MYO16: variants seen among roughly 807,000 people sequenced by gnomAD.
MYO16 encodes the protein unconventional myosin-XVI.
A neutral mutation model predicts 205.3 loss-of-function variants in MYO16; 94 were observed. The observed-to-expected ratio is 0.46, with a 90% confidence interval of 0.39 to 0.54. The LOEUF (loss-of-function observed/expected upper bound fraction) is 0.54. Among genes scored for constraint, MYO16 ranks in the 20% least tolerant of loss-of-function variants. The probability of loss-of-function intolerance (pLI) is 0.00; values close to 1 mark genes in which losing one functional copy is unlikely to be tolerated. For missense variants in MYO16, 2,315 were observed against 2,387.5 expected, an observed-to-expected ratio of 0.97 and a Z score of 0.63; for synonymous variants, 988 against 954.0, an observed-to-expected ratio of 1.04 and a Z score of -0.66.
chr13:108,521,553 T>C, the MYO16 span, among the ~76,000 whole-genome samples: 4 of 152,186 alleles, frequency 2.6e-5, no homozygotes, highest in Admixed American at 2.0e-4. Context: ...GCCTGTAATA[T>C]AAATGTATTA....
At chr13:108,722,144 G>A (rs1884187352) in intron 3 of MYO16, among the ~76,000 whole-genome samples, 1 of 152,150 alleles carries the variant, frequency 6.6e-6, no homozygotes, top group South Asian at 2.1e-4. Context: ...GAAGGTGACA[G>A]CAGGAGCTTG....
intron 27 of MYO16, among the ~76,000 whole-genome samples, chr13:109,062,554 A>C (rs9514971): frequency 0.5 from 75,276 of 151,932 alleles, 18,666 homozygotes; most frequent in Middle Eastern, 0.54. Flanking sequence ...TATCAGTGGA[A>C]ATGGAATTAT....
chr13:108,929,041 T>C (rs998305813), intron 16 of MYO16, among the ~76,000 whole-genome samples: 6 of 152,176 alleles, frequency 3.9e-5, no homozygotes, highest in Admixed American at 1.3e-4. Flanking sequence ...AAACAAAAGG[T>C]ATAGTCACAT....
chr13:108,776,746 T>C (rs1381024685), intron 4 of MYO16, among the ~76,000 whole-genome samples: 1 of 152,174 alleles, frequency 6.6e-6, no homozygotes, highest in African/African-American at 2.4e-5. Context: ...CAGTAATATA[T>C]TATCAAGATT....
At chr13:108,851,431 C>T (rs944571487) in intron 10 of MYO16, among the ~76,000 whole-genome samples, 5 of 152,148 alleles carry the variant, frequency 3.3e-5, no homozygotes, top group African/African-American at 7.2e-5. Flanking sequence ...TTTCATGTGT[C>T]TCTCTACATA....
At chr13:108,538,285 A>T in the MYO16 span, among the ~76,000 whole-genome samples, 2 of 152,144 alleles carry the variant, frequency 1.3e-5, no homozygotes, top group Non-Finnish European at 2.9e-5. Context: ...GAGAGTAGAA[A>T]AACTGTGCAG....
At chr13:108,898,976 T>C (rs76104203) in intron 15 of MYO16, among the ~76,000 whole-genome samples, 10,657 of 152,286 alleles carry the variant, frequency 0.07, 547 homozygotes, top group Middle Eastern at 0.22. Context: ...TGAAAGAGTT[T>C]AATTTTACTT....
intron 4 of MYO16, among the ~76,000 whole-genome samples, chr13:108,732,506 T>C (rs1291353036): frequency 2.0e-5 from 3 of 152,056 alleles, no homozygotes; most frequent in Admixed American, 6.6e-5. Flanking sequence ...GGACGGTACA[T>C]AGAAAGCTAT....
At chr13:108,884,334 A>G (rs548748203) in intron 13 of MYO16, among the ~76,000 whole-genome samples, 1 of 152,364 alleles carries the variant, frequency 6.6e-6, no homozygotes, top group African/African-American at 2.4e-5. Context: ...GCAGCATGCT[A>G]GCGGTTGTTT....
In MYO16 at chr13:109,140,770, A is replaced by T; in HGVS notation, c.4558A>T (p.Thr1520Ser). ...HRPPLLVFPP[T>S]PVTCSPASDE... ...GCCGCCCCTGCTGGTGTTCCCCCCG[A>T]CCCCCGTCACCTGCTCCCCCGCCTC... is the stretch of plus-strand genomic sequence containing the variant. The change falls in exon 32 of 35, where the codon ACC becomes TCC. Residue 1520 changes from threonine to serine, a missense_variant. Physicochemically the swap from Thr to Ser is moderately conservative, Grantham distance 58 (BLOSUM62 1). This residue lies in a region of MYO16 where 1,097 missense variants were observed against 1,092.0 expected (regional missense o/e 1.00). Coordinates refer to ENST00000457511, the MANE Select transcript of MYO16 (RefSeq NM_001198950.3). The surrounding 1 kb of genome is among the most constrained non-coding windows in gnomAD (Gnocchi z 8.0). 5 of 1,529,380 alleles carry T rather than the reference A, an allele frequency of 3.3e-6. No individual in the cohort carries two copies. Among genetic ancestry groups the T allele is most frequent in the South Asian group, 1.2e-5 (1 of 83,564 alleles). The allele number at this position is 1,529,380 out of a possible 1,614,324, so 94.7% of individuals were successfully genotyped here. A position where few individuals can be genotyped will look rare whatever the true frequency, so the allele number is the denominator to read the frequency against.
At chr13:108,978,193 T>G (rs766335405) in intron 20 of MYO16, among the ~76,000 whole-genome samples, 2 of 152,082 alleles carry the variant, frequency 1.3e-5, no homozygotes, top group African/African-American at 2.4e-5. Flanking sequence ...CTAATAAATT[T>G]CCTGTGAAAT....
At chr13:109,100,762 T>C (rs1459938373) in intron 27 of MYO16, 23 bp from the exon 28 acceptor site, 1 of 1,573,972 alleles carries the variant, frequency 6.4e-7, no homozygotes, top group Non-Finnish European at 8.7e-7. Flanking sequence ...GTCATTGCTT[T>C]CTGTCTCTGC....
intron 12 of MYO16, among the ~76,000 whole-genome samples, chr13:108,881,399 C>T (rs548422630): frequency 1.9e-4 from 29 of 152,144 alleles, no homozygotes; most frequent in Non-Finnish European, 3.1e-4. Flanking sequence ...TCCAAAGGAA[C>T]GCAGCTCCTC....
intron 28 of MYO16, among the ~76,000 whole-genome samples, chr13:109,112,691 G>T (rs1277738555): frequency 6.6e-6 from 1 of 152,082 alleles, no homozygotes; most frequent in Non-Finnish European, 1.5e-5. Flanking sequence ...GGAGAAGGAG[G>T]TTGTGGTGAG....
At chr13:108,717,836 G>A (rs1030269113) in intron 3 of MYO16, among the ~76,000 whole-genome samples, 1 of 151,938 alleles carries the variant, frequency 6.6e-6, no homozygotes, top group Non-Finnish European at 1.5e-5. Context: ...GGGGAAAAGG[G>A]GACCAGGTTT....
chr13:108,761,079 C>T (rs1422718573), intron 4 of MYO16, among the ~76,000 whole-genome samples: 1 of 152,046 alleles, frequency 6.6e-6, no homozygotes, highest in Non-Finnish European at 1.5e-5. Context: ...CTTTTTTTGC[C>T]GTTTATCTGT....
intron 31 of MYO16, among the ~76,000 whole-genome samples, chr13:109,136,890 T>C (rs546362431): frequency 7.9e-5 from 12 of 152,354 alleles, no homozygotes; most frequent in African/African-American, 2.4e-4. Context: ...TTATGACTTG[T>C]CTATTGTTAT....
At chr13:108,559,429 C>T in the MYO16 span, among the ~76,000 whole-genome samples, 1 of 151,118 alleles carries the variant, frequency 6.6e-6, no homozygotes, top group South Asian at 2.1e-4. Context: ...GCGTTTTAAG[C>T]GACCCAGTTT....
intron 14 of MYO16, among the ~76,000 whole-genome samples, chr13:108,888,690 C>G (rs1372489945): frequency 6.6e-6 from 1 of 152,122 alleles, no homozygotes; most frequent in African/African-American, 2.4e-5. Flanking sequence ...TACATACTTT[C>G]TTTTTGTATT....
Sources: gnomAD v4.1 joint callset for allele counts (sites outside exome capture counted in the v4.1 genomes callset) on GRCh38, gnomAD v4.1.1 for gene constraint, gnomAD v4.1.1 regional missense constraint, Gnocchi (gnomAD v3.1) non-coding constraint, MANE v1.5 for transcripts, NCBI Gene and HGNC (gene_info 2026-07-23, HGNC 2026-07-21) for gene names.